RNF213: variants seen among roughly 807,000 people sequenced by gnomAD.
The protein encoded by RNF213 is E3 ubiquitin-protein ligase RNF213.
In RNF213, 341 loss-of-function variants were observed where a neutral mutation model predicts 514.4. The ratio of observed to expected loss-of-function variants is 0.66; its 90% CI spans 0.61 to 0.73. RNF213 has a LOEUF of 0.73. Ranked by LOEUF, RNF213 falls within the 30% of genes least tolerant of loss-of-function variation. The probability of loss-of-function intolerance (pLI) is 0.00; values close to 1 mark genes in which losing one functional copy is unlikely to be tolerated. For synonymous variants in RNF213, 2,655 were observed against 2,658.2 expected (o/e 1.00, Z 0.04); for missense variants, 5,767 against 6,615.6 (o/e 0.87, Z 4.45).
At position 80,386,316 on chromosome 17, in the gene RNF213, T is replaced by C; in HGVS notation, c.14606T>C (p.Leu4869Pro). ...GATCTGGACACTGAGTTTGAGATCC[T>C]CTTGCCACGCCGACGGGGCCTGGGC... The part of the protein sequence containing the change: ...DLDLDTEFEI[L>P]LPRRRGLGLC... The change falls in exon 62 of 68, where the codon CTC becomes CCC. Residue 4869 changes from leucine to proline, a missense_variant. Around this residue, in one of 13 missense-constraint regions of RNF213, gnomAD observed 1,245 missense variants for 1,339.0 expected, o/e 0.93. Transcript: ENST00000582970. 1 of 1,613,894 alleles carries C rather than the reference T, an allele frequency of 6.2e-7. No homozygotes were observed. Among genetic ancestry groups the C allele is most frequent in the Non-Finnish European group, 8.5e-7 (1 of 1,180,018 alleles).
chr17:80,386,131 C>T (rs922168314), intron 61 of RNF213, 119 bp from the exon 62 acceptor site: 14 of 969,796 alleles, frequency 1.4e-5, no homozygotes, highest in Non-Finnish European at 2.1e-5. Flanking sequence ...GGGGCAGAAC[C>T]GAGACCCGGC....
chr17:80,353,342 TG>T lies in RNF213; in HGVS notation c.10424-165del. On this transcript the variant is annotated intron_variant, in intron 33 of 67. Transcript: ENST00000582970. This position sits in a 1 kb window ranked among gnomAD's most constrained non-coding sequence, Gnocchi z 5.0. ...CCAGGCTGGAAGGAAGGGGCTGCCT[TG>T]GGGGCTGATCTTCATGACCGTGATC... 2 of 860,552 alleles carry T rather than the reference TG, an allele frequency of 2.3e-6. No homozygotes were observed. The highest frequency in any genetic ancestry group is 1.9e-6 in the Non-Finnish European group (1 of 537,608). 53.3% of individuals were successfully genotyped at this position (860,552 alleles called of 1,614,324 possible).
intron 49 of RNF213, among the ~76,000 whole-genome samples, chr17:80,373,711 G>A (rs2079618506): frequency 1.3e-5 from 2 of 152,114 alleles, no homozygotes; most frequent in Admixed American, 1.3e-4. Context: ...AGGCTTCAAG[G>A]CCAGGCTGGG....
intron 14 of RNF213, among the ~76,000 whole-genome samples, chr17:80,312,695 C>T (rs2045612890): frequency 6.6e-6 from 1 of 152,214 alleles, no homozygotes; most frequent in South Asian, 2.1e-4. Flanking sequence ...TTTTCCCCCT[C>T]AGTCTCCTGG....
chr17:80,368,151 AC>A lies in RNF213; in HGVS notation c.12155+11del, dbSNP rs1244620865. On this transcript the variant is annotated intron_variant, in intron 44 of 67. Coordinates refer to ENST00000582970, the MANE Select transcript of RNF213 (RefSeq NM_001256071.3). ...TGTTTCCCAAGCGCACAGGTACAAC[AC>A]CCTTTCTCTCAAGAAAGCATCCTTT... 12 of 1,613,816 alleles carry A rather than the reference AC, an allele frequency of 7.4e-6. No individual in the cohort carries two copies. Among genetic ancestry groups the A allele is most frequent in the Non-Finnish European group, 8.5e-6 (10 of 1,179,806 alleles).
chr17:80,354,701 A>G, intron 36 of RNF213, 125 bp downstream of exon 36: 1 of 1,254,342 alleles, frequency 8.0e-7, no homozygotes, highest in South Asian at 1.3e-5. Flanking sequence ...CCTCTCAGCC[A>G]TTCAAAGCTG....
In RNF213 at chr17:80,263,991, T is replaced by C. The variant is rs1451157592; in HGVS notation, c.97+213T>C. ...GGCATAGATTAGTCTCCCACACAGG[T>C]CAAGCCAGGGGACCACCACCCAGTG... On this transcript the variant is annotated intron_variant, in intron 2 of 67. Transcript: ENST00000582970. The surrounding 1 kb of genome is among the most constrained non-coding windows in gnomAD (Gnocchi z 4.9). 6.6e-6 allele frequency among the ~76,000 whole-genome samples: 1 copy of C among 151,968 alleles called. No homozygotes were observed. Among genetic ancestry groups the C allele is most frequent in the Non-Finnish European group, 1.5e-5 (1 of 67,992 alleles).
rs1336053902 is a variant in RNF213, at chr17:80,394,867, ATTGTT to A, written c.*1372_*1376del. 3 of 152,066 alleles carry A rather than the reference ATTGTT, an allele frequency of 2.0e-5. No individual in the cohort carries two copies. The highest frequency in any genetic ancestry group is 2.1e-4 in the South Asian group (1 of 4,808). The allele number at this position is 152,066 out of a possible 1,614,324, so 9.4% of individuals were successfully genotyped here. ...AGTCCCTGGCATTTAGTCATCTGTGATTGTTTTATCACTCTGGACTGTGCAGAGCC... is the reference window on the plus strand; with the variant it reads ...AGTCCCTGGCATTTAGTCATCTGTGATTATCACTCTGGACTGTGCAGAGCC... On this transcript the variant is annotated 3_prime_UTR_variant, in exon 68 of 68. Coordinates refer to ENST00000582970, the MANE Select transcript of RNF213 (RefSeq NM_001256071.3).
chr17:80,298,286 G>A (rs1045931074), intron 10 of RNF213, 35 bp from the exon 11 acceptor site: 11 of 1,609,176 alleles, frequency 6.8e-6, no homozygotes, highest in Admixed American at 1.7e-5. Flanking sequence ...TCCCTGGCCA[G>A]CTCAGCTCAC....
In RNF213 at chr17:80,346,188, T is replaced by A; in HGVS notation, c.7853T>A (p.Val2618Asp). Residue 2618 changes from valine to aspartate, a missense_variant, in exon 29 of 68, where the codon GTC (valine) becomes GAC (aspartate). Coordinates refer to ENST00000582970, the MANE Select transcript of RNF213 (RefSeq NM_001256071.3). This position sits in a 1 kb window ranked among gnomAD's most constrained non-coding sequence, Gnocchi z 8.1. ...DENGTRVITEVLCASQGFMRK... is the reference protein window; with the variant it reads ...DENGTRVITEDLCASQGFMRK... ...AACGGGACTCGCGTGATCACAGAAG[T>A]CCTCTGCGCCTCTCAGGGTTTCATG... 6.2e-7 allele frequency: 1 copy of A among 1,614,100 alleles called. No individual in the cohort carries two copies. Among genetic ancestry groups the A allele is most frequent in the Non-Finnish European group, 8.5e-7 (1 of 1,180,000 alleles).
Position 80,290,684 on chromosome 17 carries a change from G to A in RNF213, c.1227G>A (p.Gly409=), listed in dbSNP as rs777240774. Residue 409 remains glycine, a synonymous_variant, in exon 7 of 68, where the codon GGG becomes GGA. Coordinates refer to ENST00000582970, the MANE Select transcript of RNF213 (RefSeq NM_001256071.3). ...KVFIRGGEEF[G]ESKWDSNICE... is the part of the protein sequence containing the mutation. ...TCATCAGAGGAGGAGAAGAATTTGGGGAGTCAAAATGGGACAGCAATATCT... is the reference window on the plus strand; with the variant it reads ...TCATCAGAGGAGGAGAAGAATTTGGAGAGTCAAAATGGGACAGCAATATCT... The A allele has an allele frequency of 6.2e-7, 1 of 1,614,192 alleles. No individual in the cohort carries two copies. Among genetic ancestry groups the A allele is most frequent in the South Asian group, 1.1e-5 (1 of 91,082 alleles).
At chr17:80,383,414 T>C (rs183284665) in intron 58 of RNF213, among the ~76,000 whole-genome samples, 112 of 152,292 alleles carry the variant, frequency 7.4e-4, no homozygotes, top group African/African-American at 2.6e-3. Context: ...GAACTGACAA[T>C]CATAGATTAA....
At chr17:80,336,476 G>A in intron 23 of RNF213, 98 bp downstream of exon 23, 2 of 1,061,130 alleles carry the variant, frequency 1.9e-6, no homozygotes, top group African/African-American at 1.6e-5. Flanking sequence ...CACCTGTGTG[G>A]TAGGTTTGTA....
At chr17:80,390,221 C>T (rs370775607) in intron 67 of RNF213, 25 bp downstream of exon 67, 49 of 1,609,650 alleles carry the variant, frequency 3.0e-5, no homozygotes, top group African/African-American at 1.7e-4. Flanking sequence ...ACCTATGGGG[C>T]GGGGCAGACA....
chr17:80,341,856 G>C (rs2078163649), intron 26 of RNF213: 3 of 152,012 alleles, frequency 2.0e-5, no homozygotes, highest in Admixed American at 6.6e-5. Flanking sequence ...GCCCAGGCTG[G>C]AGTGCAATGG....
At chr17:80,281,922 T>C (rs531407880) in intron 3 of RNF213, among the ~76,000 whole-genome samples, 1 of 152,288 alleles carries the variant, frequency 6.6e-6, no homozygotes, top group South Asian at 2.1e-4. Flanking sequence ...AATGGCGTGA[T>C]CTCGGCTCCC....
Position 80,339,468 on chromosome 17 carries a change from C to G in RNF213, c.5101C>G (p.Leu1701Val). The G allele has an allele frequency of 2.0e-6, 3 of 1,537,226 alleles. No homozygotes were observed. Among genetic ancestry groups the G allele is most frequent in the Non-Finnish European group, 2.6e-6 (3 of 1,146,912 alleles). Residue 1701 changes from leucine to valine, a missense_variant, in exon 26 of 68, where the codon CTG (leucine) becomes GTG (valine). Coordinates refer to ENST00000582970, the MANE Select transcript of RNF213 (RefSeq NM_001256071.3). ...VTQKRMEHFY[L>V]NFYTAEQLVY... ...CCAGAAGCGAATGGAGCACTTTTAC[C>G]TGAACTTCTACACGGCAGAGCAGCT... is the stretch of plus-strand genomic sequence containing the variant.
chr17:80,376,780 G>A (rs1377660177), intron 52 of RNF213, 102 bp from the exon 53 acceptor site: 1 of 1,180,134 alleles, frequency 8.5e-7, no homozygotes, highest in Non-Finnish European at 1.2e-6. Context: ...CCAGCAGAAG[G>A]AAAGCAGAGT....
chr17:80,319,180 A>G lies in RNF213; in HGVS notation c.2902-10A>G. 1 of 1,614,028 alleles carries G rather than the reference A, an allele frequency of 6.2e-7. No individual in the cohort carries two copies. Among genetic ancestry groups the G allele is most frequent in the Non-Finnish European group, 8.5e-7 (1 of 1,179,994 alleles). ...AAAGCTCTGAAACCACCCCCCTTTG[A>G]TTTTTGCAGGAGGAACCCCTCTCCC... On this transcript the variant is annotated splice_polypyrimidine_tract_variant and intron_variant, in intron 16 of 67. Transcript: ENST00000582970.
Sources: gnomAD v4.1 joint callset for allele counts (sites outside exome capture counted in the v4.1 genomes callset) on GRCh38, gnomAD v4.1.1 for gene constraint, gnomAD v4.1.1 regional missense constraint, Gnocchi (gnomAD v3.1) non-coding constraint, MANE v1.5 for transcripts, NCBI Gene and HGNC (gene_info 2026-07-23, HGNC 2026-07-21) for gene names.